Variants in PHEX observed in about 807,000 individuals in gnomAD.
PHEX encodes the protein phosphate regulating endopeptidase X-linked.
PHEX carries 16 observed loss-of-function variants against 68.0 expected under a neutral mutation model. That is an observed-to-expected ratio of 0.24 (90% confidence interval 0.16 to 0.36). The LOEUF is 0.36. Among genes scored for constraint, PHEX ranks in the 10% least tolerant of loss-of-function variants. PHEX has a pLI of 1.00. For missense variants in PHEX, 480 were observed against 575.5 expected, an observed-to-expected ratio of 0.83 and a Z score of 1.70; for synonymous variants, 208 against 205.1, an observed-to-expected ratio of 1.01 and a Z score of -0.12.
chrX:22,184,924 A>G (rs1032602416), intron 14 of PHEX, among the ~76,000 whole-genome samples: 12 of 112,667 alleles, frequency 1.1e-4, no homozygotes, highest in Admixed American at 8.5e-4. Flanking sequence ...CAGGATATTA[A>G]TAAGAAAGCA....
rs774040163 is a variant in PHEX, at chrX:22,098,146, G to A, written c.934-860G>A. 37 of 109,061 alleles carry A rather than the reference G, an allele frequency of 3.4e-4. No individual in the cohort carries two copies. In the Middle Eastern group the frequency reaches 3.5e-3, roughly 10 times the overall value. The allele number at this position is 109,061 out of a possible 1,213,427, so 9.0% of individuals were successfully genotyped here. ...TGTCACAGAGACAAATTATGTACTG[G>A]GGCATCTGTTTCTGTGTGTATGTGA... is the stretch of plus-strand genomic sequence containing the variant. On this transcript the variant is annotated intron_variant, in intron 8 of 21. Transcript: ENST00000379374.
chrX:22,221,779 GT>G (rs756453970), intron 18 of PHEX, 36 bp downstream of exon 18: 2 of 1,171,939 alleles, frequency 1.7e-6, no homozygotes, highest in Admixed American at 4.4e-5. Flanking sequence ...GCACCTTGTG[GT>G]TCATTTTTCC....
chrX:22,184,594 T>A (rs1347845494), intron 14 of PHEX, among the ~76,000 whole-genome samples: 1 of 111,967 alleles, frequency 8.9e-6, no homozygotes, highest in African/African-American at 3.2e-5. Context: ...TGGGTGGTCA[T>A]CCCTGAAGGT....
At position 22,212,921 on chromosome X, in the gene PHEX, C is replaced by T; in HGVS notation, c.1663C>T (p.Leu555Phe). 1 of 1,204,533 alleles carries T rather than the reference C, an allele frequency of 8.3e-7. No homozygotes were observed. The highest frequency in any genetic ancestry group is 1.1e-6 in the Non-Finnish European group (1 of 889,029). Residue 555 changes from leucine to phenylalanine, a missense_variant, in exon 16 of 22, where the codon CTC becomes TTC. Transcript: ENST00000379374. ...TCTCATAGGATTTCCAGCAGGAGAG[C>T]TCCAGAAGCCTTTCTTTTGGGGAAC... is the stretch of plus-strand genomic sequence containing the variant. Reference protein sequence around the residue: ...TNQIRFPAGELQKPFFWGTEY... With the variant: ...TNQIRFPAGEFQKPFFWGTEY...
chrX:22,227,239 T>C (rs1014354947), intron 19 of PHEX, among the ~76,000 whole-genome samples: 15 of 112,539 alleles, frequency 1.3e-4, no homozygotes, highest in African/African-American at 4.8e-4. Flanking sequence ...CTGCTAGGAA[T>C]GGAAAGAACA....
At chrX:22,239,095 G>A (rs1482960881) in intron 20 of PHEX, among the ~76,000 whole-genome samples, 1 of 112,044 alleles carries the variant, frequency 8.9e-6, no homozygotes, top group East Asian at 2.8e-4. Flanking sequence ...AACAGGGTCT[G>A]GAGAGGACCT....
chrX:22,234,881 T>A (rs748453956), intron 20 of PHEX, among the ~76,000 whole-genome samples: 25 of 107,944 alleles, frequency 2.3e-4, no homozygotes, highest in Non-Finnish European at 4.4e-4. Context: ...AACAAAAAAC[T>A]CTTGCAGCTA....
intron 20 of PHEX, among the ~76,000 whole-genome samples, chrX:22,244,413 C>T (rs752137696): frequency 2.0e-5 from 2 of 98,582 alleles, no homozygotes; most frequent in South Asian, 9.0e-4. Flanking sequence ...TGCACATGTA[C>T]CCCAGAATTT....
At chrX:22,123,745 C>T (rs1931590211) in intron 11 of PHEX, among the ~76,000 whole-genome samples, 1 of 110,678 alleles carries the variant, frequency 9.0e-6, no homozygotes, top group African/African-American at 3.3e-5. Flanking sequence ...AGAACCCACC[C>T]TATCATTTAA....
intron 5 of PHEX, among the ~76,000 whole-genome samples, chrX:22,090,207 A>C (rs1237024709): frequency 8.9e-6 from 1 of 112,437 alleles, no homozygotes; most frequent in Admixed American, 9.4e-5. Flanking sequence ...AAGGTTTAGA[A>C]AACATAAATT....
intron 12 of PHEX, among the ~76,000 whole-genome samples, chrX:22,151,932 T>G (rs1932861823): frequency 8.9e-6 from 1 of 111,947 alleles, no homozygotes; most frequent in Non-Finnish European, 1.9e-5. Context: ...AAATTCTATC[T>G]GTGTGTGTCT....
intron 12 of PHEX, 91 bp from the exon 13 acceptor site, chrX:22,168,221 T>G: frequency 2.9e-6 from 2 of 685,677 alleles, no homozygotes; most frequent in Non-Finnish European, 4.8e-6. Flanking sequence ...TAAATGGAGT[T>G]TTCAGATGAA....
At position 22,161,536 on chromosome X, in the gene PHEX, C is replaced by T. The variant is rs187695214; in HGVS notation, c.1405-6776C>T. On this transcript the variant is annotated intron_variant, in intron 12 of 21. Transcript: ENST00000379374. ...TTTAAAGGTTAAATGTAAAATATAG[C>T]CTTTTATATTTTCTGATACTCTTGA... is the stretch of plus-strand genomic sequence containing the variant. 2.5e-3 allele frequency among the ~76,000 whole-genome samples: 280 copies of T among 112,160 alleles called. 1 individual carries two copies. Among genetic ancestry groups the T allele is most frequent in the African/African-American group, 7.4e-3 (230 of 30,908 alleles).
chrX:22,170,360 A>T (rs1933481089), intron 13 of PHEX, among the ~76,000 whole-genome samples: 1 of 110,800 alleles, frequency 9.0e-6, no homozygotes, highest in Non-Finnish European at 1.9e-5. Flanking sequence ...ATAAATAGGG[A>T]CCGTGGAGTC....
At chrX:22,226,404 C>A (rs148434865) in intron 18 of PHEX, 39 bp from the exon 19 acceptor site, 2 of 948,106 alleles carry the variant, frequency 2.1e-6, no homozygotes, top group Middle Eastern at 2.6e-4. Flanking sequence ...CCGTGAAACA[C>A]GCATTCATTT....
At chrX:22,128,395 T>C (rs1449136031) in intron 11 of PHEX, among the ~76,000 whole-genome samples, 1 of 111,027 alleles carries the variant, frequency 9.0e-6, no homozygotes, top group Non-Finnish European at 1.9e-5. Context: ...TAAATTTTAA[T>C]GAATTTGATA....
chrX:22,169,331 A>T (rs769799527), intron 13 of PHEX, among the ~76,000 whole-genome samples: 1 of 112,287 alleles, frequency 8.9e-6, no homozygotes, highest in African/African-American at 3.2e-5. Flanking sequence ...GCCTCATAGC[A>T]TCCTAAAACT....
Position 22,168,386 on chromosome X carries a change from A to G in PHEX, c.1479A>G (p.Lys493=), listed in dbSNP as rs1323501404. The G allele has an allele frequency of 8.7e-7, 1 of 1,155,567 alleles. No homozygotes were observed. The highest frequency in any genetic ancestry group is 2.2e-5 in the Admixed American group (1 of 45,921). Reference sequence around the variant, plus strand: ...ATACTCATGTTAATGAAGACCTCAAAGCTGTAAGTGCTAAATTTACTGTAC... The same window carrying G: ...ATACTCATGTTAATGAAGACCTCAAGGCTGTAAGTGCTAAATTTACTGTAC... ...MNDTHVNEDL[K]AIKFSEADYF... is the part of the protein sequence containing the mutation. Residue 493 remains lysine (K), a synonymous_variant, in exon 13 of 22, where the codon AAA becomes AAG. Coordinates refer to ENST00000379374, the MANE Select transcript of PHEX (RefSeq NM_000444.6).
chrX:22,176,405 ATATATATATAT>A (rs1933711164), intron 13 of PHEX, among the ~76,000 whole-genome samples: 1 of 64,042 alleles, frequency 1.6e-5, no homozygotes, highest in African/African-American at 1.2e-4. Context: ...AAAAAAAAAT[ATATATATATAT>A]ATATATATAT....
Sources: gnomAD v4.1 joint callset for allele counts (sites outside exome capture counted in the v4.1 genomes callset) on GRCh38, gnomAD v4.1.1 for gene constraint, MANE v1.5 for transcripts, NCBI Gene and HGNC (gene_info 2026-07-23, HGNC 2026-07-21) for gene names.